PTPN9: variants seen among roughly 807,000 people sequenced by gnomAD.
PTPN9 encodes the protein tyrosine-protein phosphatase non-receptor type 9.
PTPN9 carries 26 observed loss-of-function variants against 69.8 expected under a neutral mutation model. The observed-to-expected ratio is 0.37, with a 90% CI of 0.27 to 0.52. PTPN9 has a LOEUF of 0.52. Among genes scored for constraint, PTPN9 ranks in the 20% least tolerant of loss-of-function variants. PTPN9 has a pLI of 0.91. For synonymous variants in PTPN9, 274 were observed against 272.5 expected (o/e 1.01, Z -0.05); for missense variants, 549 against 740.3 (o/e 0.74, Z 3.00).
At chr15:75,510,824 T>A (rs1451545131) in intron 5 of PTPN9, among the ~76,000 whole-genome samples, 1 of 152,114 alleles carries the variant, frequency 6.6e-6, no homozygotes, top group Non-Finnish European at 1.5e-5. Flanking sequence ...CAGAACTATT[T>A]CATCATCACA....
intron 12 of PTPN9, among the ~76,000 whole-genome samples, chr15:75,469,230 G>A (rs1324583221): frequency 6.6e-6 from 1 of 152,248 alleles, no homozygotes; most frequent in Non-Finnish European, 1.5e-5. Flanking sequence ...AAATGGGAAG[G>A]TGACACAGGG....
chr15:75,496,326 G>A (rs995141066), intron 7 of PTPN9, among the ~76,000 whole-genome samples: 4 of 150,520 alleles, frequency 2.7e-5, no homozygotes, highest in Non-Finnish European at 4.4e-5. Flanking sequence ...TTTCATAGTA[G>A]CCCATGTAGC....
chr15:75,485,383 A>T, intron 8 of PTPN9, among the ~76,000 whole-genome samples: 1 of 98,250 alleles, frequency 1.0e-5, no homozygotes, highest in Admixed American at 1.5e-4. Flanking sequence ...TTTTTTTGAG[A>T]CGGAGTCTCG....
chr15:75,568,153 T>C (rs2141344295), intron 1 of PTPN9, among the ~76,000 whole-genome samples: 1 of 152,268 alleles, frequency 6.6e-6, no homozygotes. Flanking sequence ...CCATGAGTTC[T>C]GGAGCTTCTC....
rs2074528728 is a variant in PTPN9 at position 75,464,403 on chromosome 15, G to C, written c.*4366C>G. ...GGCAACAGAGTGAGACTCTGTCTCT[G>C]AAAGTAAAAAAAATGAAAAGTGGGG... On this transcript the variant is annotated 3_prime_UTR_variant, in exon 13 of 13. Transcript: ENST00000618819. The C allele has an allele frequency of 6.6e-6, 1 of 152,240 alleles. No individual in the cohort carries two copies. Among genetic ancestry groups the C allele is most frequent in the African/African-American group, 2.4e-5 (1 of 41,502 alleles). The allele number at this position is 152,240 out of a possible 1,614,324, so 9.4% of individuals were successfully genotyped here.
chr15:75,485,429 C>T (rs897415498), intron 8 of PTPN9, among the ~76,000 whole-genome samples: 9 of 130,164 alleles, frequency 6.9e-5, no homozygotes, highest in African/African-American at 2.1e-4. Flanking sequence ...ACTGCAGTGG[C>T]GCAATCTCGG....
At chr15:75,470,288 T>G (rs2074557293) in intron 11 of PTPN9, among the ~76,000 whole-genome samples, 1 of 152,198 alleles carries the variant, frequency 6.6e-6, no homozygotes, top group African/African-American at 2.4e-5. Context: ...ACTGCTGCCT[T>G]GACCTCACAG....
intron 8 of PTPN9, among the ~76,000 whole-genome samples, chr15:75,485,350 ACTT>A (rs2074668188): frequency 1.6e-5 from 2 of 124,052 alleles, no homozygotes; most frequent in African/African-American, 6.3e-5. Flanking sequence ...AAGAATTGTC[ACTT>A]CTTTTTTTTT....
intron 1 of PTPN9, among the ~76,000 whole-genome samples, chr15:75,562,851 T>C (rs986791031): frequency 2.0e-5 from 3 of 148,216 alleles, no homozygotes; most frequent in East Asian, 2.0e-4. Flanking sequence ...ACCTGCTTCG[T>C]AGGCTATGTG....
intron 9 of PTPN9, among the ~76,000 whole-genome samples, chr15:75,474,373 G>C (rs1431816595): frequency 6.6e-6 from 1 of 152,072 alleles, no homozygotes; most frequent in Non-Finnish European, 1.5e-5. Context: ...ACAAAAATTA[G>C]CCAGGTGTGG....
At position 75,560,733 on chromosome 15, in the gene PTPN9, C is replaced by T. The variant is rs554823192; in HGVS notation, c.63+17981G>A. On this transcript the variant is annotated intron_variant, in intron 1 of 12. Transcript: ENST00000618819. Reference sequence around the variant, plus strand: ...ATTTTGTTGCTGTTGTTGTTAATTACTTTAAAGCCAGGCGCGGTGGCTCAC... The same window carrying T: ...ATTTTGTTGCTGTTGTTGTTAATTATTTTAAAGCCAGGCGCGGTGGCTCAC... 2.6e-5 allele frequency among the ~76,000 whole-genome samples: 4 copies of T among 152,128 alleles called. No individual in the cohort carries two copies. In the East Asian group the frequency reaches 7.7e-4, roughly 29 times the overall value.
intron 11 of PTPN9, 25 bp downstream of exon 11, chr15:75,470,655 T>G (rs2074559048): frequency 6.2e-7 from 1 of 1,606,330 alleles, no homozygotes; most frequent in East Asian, 2.2e-5. Context: ...TTCAACAAGG[T>G]GAGAAAAAAG....
intron 5 of PTPN9, among the ~76,000 whole-genome samples, chr15:75,513,597 T>C (rs1186558757): frequency 6.6e-6 from 1 of 151,992 alleles, no homozygotes; most frequent in African/African-American, 2.4e-5. Flanking sequence ...TGAAACCCCA[T>C]TGCTACTAAA....
Position 75,496,436 on chromosome 15 carries a change from T to C in PTPN9, c.969-6135A>G, listed in dbSNP as rs193234551. ...ATTGGAAGAGTAGTCAAAATGAAAGTGGAGACATAGTATAAGAGCTAAATG... is the reference window on the plus strand; with the variant it reads ...ATTGGAAGAGTAGTCAAAATGAAAGCGGAGACATAGTATAAGAGCTAAATG... On this transcript the variant is annotated intron_variant, in intron 7 of 12. Coordinates refer to ENST00000618819, the MANE Select transcript of PTPN9 (RefSeq NM_002833.4). Among the ~76,000 whole-genome samples the C allele has an allele frequency of 4.1e-3, 618 of 151,870 alleles. 2 individuals carry two copies. The highest frequency in any genetic ancestry group is 6.4e-3 in the Non-Finnish European group (438 of 67,946).
chr15:75,524,651 G>A (rs1050827076), intron 2 of PTPN9, among the ~76,000 whole-genome samples: 3 of 151,590 alleles, frequency 2.0e-5, no homozygotes, highest in Non-Finnish European at 2.9e-5. Context: ...GGTGGTGCGC[G>A]CCCATAATCC....
rs1273776782 is a variant in PTPN9, at chr15:75,466,319, A to G, written c.*2450T>C. The G allele has an allele frequency of 6.6e-6, 1 of 152,210 alleles. No homozygotes were observed. Among genetic ancestry groups the G allele is most frequent in the Non-Finnish European group, 1.5e-5 (1 of 68,056 alleles). 9.4% of individuals were successfully genotyped at this position (152,210 alleles called of 1,614,324 possible). A position where few individuals can be genotyped will look rare whatever the true frequency, so the allele number is the denominator to read the frequency against. The stretch of plus-strand genomic sequence containing the variant: ...TATGACTATTATTAAGAACACCCCA[A>G]TATTTCCCAGCCACAACTGCCCCAA... On this transcript the variant is annotated 3_prime_UTR_variant, in exon 13 of 13. Transcript: ENST00000618819.
intron 7 of PTPN9, among the ~76,000 whole-genome samples, chr15:75,494,155 T>TA (rs59002435): frequency 1.4e-5 from 2 of 141,004 alleles, no homozygotes; most frequent in Non-Finnish European, 3.1e-5. Flanking sequence ...TATATATATA[T>TA]AAAATCTATA....
At chr15:75,480,810 C>A (rs2074627743) in intron 8 of PTPN9, 21 of 637,480 alleles carry the variant, frequency 3.3e-5, no homozygotes, top group Admixed American at 5.0e-5. Context: ...AGCGGACGGG[C>A]CCCGCGGGGC....
At chr15:75,565,804 G>T (rs2075124323) in intron 1 of PTPN9, among the ~76,000 whole-genome samples, 1 of 152,084 alleles carries the variant, frequency 6.6e-6, no homozygotes, top group Non-Finnish European at 1.5e-5. Context: ...GCACCTAAAG[G>T]TAATGTGTAA....
Sources: gnomAD v4.1 joint callset for allele counts (sites outside exome capture counted in the v4.1 genomes callset) on GRCh38, gnomAD v4.1.1 for gene constraint, MANE v1.5 for transcripts, NCBI Gene and HGNC (gene_info 2026-07-23, HGNC 2026-07-21) for gene names.